JAK2: variants seen among roughly 807,000 people sequenced by gnomAD.
JAK2 encodes the protein Janus kinase 2.
A neutral mutation model predicts 139.3 loss-of-function variants in JAK2; 86 were observed. The ratio of observed to expected loss-of-function variants is 0.62; its 90% CI spans 0.52 to 0.74. The LOEUF is 0.74. JAK2 is among the 30% of genes least tolerant of loss of function. The pLI, the probability that JAK2 is intolerant of heterozygous loss-of-function variation, is 0.00. For synonymous variants in JAK2, 490 were observed against 437.7 expected, an observed-to-expected ratio of 1.12 and a Z score of -1.49; for missense variants, 1,421 against 1,360.3, an observed-to-expected ratio of 1.04 and a Z score of -0.70.
At chr9:5,052,648 T>A (rs1358076160) in intron 6 of JAK2, among the ~76,000 whole-genome samples, 2 of 152,088 alleles carry the variant, frequency 1.3e-5, no homozygotes, top group East Asian at 3.8e-4. Flanking sequence ...TCAGTCCTCA[T>A]CCCACTTTCC....
intron 22 of JAK2, chr9:5,098,878 TAG>T (rs1390538792): frequency 6.6e-6 from 1 of 152,164 alleles, no homozygotes; most frequent in Non-Finnish European, 1.5e-5. Flanking sequence ...GTATTTTTAG[TAG>T]AGACGGGGTT....
intron 22 of JAK2, chr9:5,114,811 C>T (rs1198405582): frequency 1.1e-5 from 3 of 279,230 alleles, no homozygotes; most frequent in Non-Finnish European, 2.1e-5. Context: ...ATTAAATGTC[C>T]TCCTGCCTTC....
chr9:5,068,219 C>T (rs73393502), intron 10 of JAK2, among the ~76,000 whole-genome samples: 1 of 150,956 alleles, frequency 6.6e-6, no homozygotes, highest in Non-Finnish European at 1.5e-5. Context: ...TAGGAAGAAC[C>T]TGATTGACCT....
At chr9:5,037,776 C>T (rs1336808080) in intron 4 of JAK2, among the ~76,000 whole-genome samples, 2 of 152,104 alleles carry the variant, frequency 1.3e-5, no homozygotes, top group African/African-American at 4.8e-5. Context: ...TTACTGGGTG[C>T]AGCACACCAA....
At chr9:5,007,360 T>G (rs922893253) in intron 2 of JAK2, among the ~76,000 whole-genome samples, 2 of 152,138 alleles carry the variant, frequency 1.3e-5, no homozygotes, top group African/African-American at 4.8e-5. Flanking sequence ...ATTGATTAAT[T>G]TACAAATATA....
At chr9:4,999,928 C>T (rs574433768) in intron 2 of JAK2, among the ~76,000 whole-genome samples, 1 of 152,276 alleles carries the variant, frequency 6.6e-6, no homozygotes, top group African/African-American at 2.4e-5. Flanking sequence ...TTGTTTTCCT[C>T]ATATCTTTGC....
intron 22 of JAK2, chr9:5,111,621 C>T (rs1464658970): frequency 5.4e-6 from 2 of 373,682 alleles, no homozygotes; most frequent in Non-Finnish European, 1.0e-5. Flanking sequence ...GGCTTTGGCC[C>T]CATGCTGGGC....
In JAK2 at chr9:5,055,682, A is replaced by G. The variant is rs778373759; in HGVS notation, c.950A>G (p.Tyr317Cys). The G allele has an allele frequency of 6.3e-7, 1 of 1,575,146 alleles. No individual in the cohort carries two copies. The highest frequency in any genetic ancestry group is 8.7e-7 in the Non-Finnish European group (1 of 1,147,550). The change falls in exon 8 of 25, where the codon TAT becomes TGT. Residue 317 changes from tyrosine to cysteine, a missense_variant. Tyr to Cys is a radical substitution (Grantham distance 194, BLOSUM62 -2). Transcript: ENST00000381652. ...ETLTEQDLQL[Y>C]CDFPNIIDVS... ...TTTTAATTATAGGATTTACAGTTAT[A>G]TTGCGATTTTCCTAATATTATTGAT...
chr9:5,089,557 A>G, intron 19 of JAK2, 117 bp from the exon 20 acceptor site: 1 of 360,006 alleles, frequency 2.8e-6, no homozygotes, highest in East Asian at 4.9e-5. Context: ...AAAAAAAAAA[A>G]AAAAAAAAGA....
intron 2 of JAK2, 139 bp from the exon 3 acceptor site, chr9:5,021,824 G>T (rs1287777399): frequency 1.7e-6 from 1 of 594,180 alleles, no homozygotes; most frequent in South Asian, 2.1e-5. Context: ...GTAGAGATGA[G>T]GTTTCACCAT....
chr9:5,117,934 A>G (rs1417060628), intron 22 of JAK2, among the ~76,000 whole-genome samples: 1 of 152,204 alleles, frequency 6.6e-6, no homozygotes, highest in African/African-American at 2.4e-5. Flanking sequence ...ATGCTCACTA[A>G]AAGAATTTAG....
chr9:5,112,175 G>C, intron 22 of JAK2: 1 of 274,062 alleles, frequency 3.6e-6, no homozygotes, highest in Non-Finnish European at 7.4e-6. Context: ...CCCGGCCACC[G>C]GGCGCTGGCC....
intron 4 of JAK2, among the ~76,000 whole-genome samples, chr9:5,031,716 G>A (rs1823160195): frequency 6.6e-6 from 1 of 152,166 alleles, no homozygotes; most frequent in African/African-American, 2.4e-5. Flanking sequence ...GACTGCAATT[G>A]TCAACTATAA....
chr9:5,073,584 A>C (rs1252254678), intron 13 of JAK2, 114 bp from the exon 14 acceptor site: 2 of 784,728 alleles, frequency 2.5e-6, no homozygotes, highest in African/African-American at 3.4e-5. Flanking sequence ...ATCCTCATCT[A>C]TAGTCATGCT....
chr9:5,094,765 T>C (rs1458654121), intron 22 of JAK2: 2 of 152,168 alleles, frequency 1.3e-5, no homozygotes, highest in African/African-American at 2.4e-5. Flanking sequence ...ATGAATATTA[T>C]TGTATAAATG....
intron 2 of JAK2, among the ~76,000 whole-genome samples, chr9:5,004,492 A>G (rs1331626136): frequency 6.6e-6 from 1 of 152,122 alleles, no homozygotes; most frequent in Non-Finnish European, 1.5e-5. Flanking sequence ...GCTGAATTAT[A>G]TTCTATTGTG....
intron 22 of JAK2, among the ~76,000 whole-genome samples, chr9:5,117,833 C>T (rs1823321274): frequency 1.3e-5 from 2 of 152,014 alleles, no homozygotes; most frequent in Non-Finnish European, 2.9e-5. Flanking sequence ...ACAGAGGGGA[C>T]GTTGTATTAA....
intron 4 of JAK2, among the ~76,000 whole-genome samples, chr9:5,043,341 C>T (rs180720435): frequency 2.0e-5 from 3 of 151,620 alleles, no homozygotes; most frequent in African/African-American, 7.3e-5. Flanking sequence ...TGAAACCCTC[C>T]GAAAAAAAGA....
intron 22 of JAK2, chr9:5,114,017 G>A: frequency 3.2e-6 from 1 of 309,042 alleles, no homozygotes; most frequent in Admixed American, 4.0e-5. Context: ...ATGTGAACTG[G>A]TCCATCGCCT....
Sources: gnomAD v4.1 joint callset for allele counts (sites outside exome capture counted in the v4.1 genomes callset) on GRCh38, gnomAD v4.1.1 for gene constraint, MANE v1.5 for transcripts, NCBI Gene and HGNC (gene_info 2026-07-23, HGNC 2026-07-21) for gene names.